DPYD: variants seen among roughly 807,000 people sequenced by gnomAD.
The protein encoded by DPYD is dihydropyrimidine dehydrogenase.
Under a neutral mutation model 116.2 loss-of-function variants are expected in DPYD, and 109 were observed. That is an observed-to-expected ratio of 0.94 (90% CI 0.80 to 1.10). DPYD has a LOEUF of 1.10. Ranked by LOEUF, DPYD falls within the 50% of genes least tolerant of loss-of-function variation. DPYD has a pLI of 0.00. For missense variants in DPYD, 1,302 were observed against 1,254.5 expected (o/e 1.04, Z -0.57); for synonymous variants, 440 against 432.0 (o/e 1.02, Z -0.23).
intron 14 of DPYD, among the ~76,000 whole-genome samples, chr1:97,391,113 A>C (rs1235178303): frequency 2.1e-5 from 3 of 143,208 alleles, no homozygotes. Flanking sequence ...TGATGCTCCC[A>C]GAGTCCACTC....
rs72977794 is a variant in DPYD at position 97,811,807 on chromosome 1, T to C, written c.233+16307A>G. Among the ~76,000 whole-genome samples, 1,080 of 152,250 alleles carry C rather than the reference T, an allele frequency of 7.1e-3. 8 individuals are homozygous for C. The highest frequency in any genetic ancestry group is 0.025 in the African/African-American group (1,031 of 41,552). On this transcript the variant is annotated intron_variant, in intron 3 of 22. Coordinates refer to ENST00000370192, the MANE Select transcript of DPYD (RefSeq NM_000110.4). Reference sequence around the variant, plus strand: ...GATAGTGCACTGTAACTCTTAGCTATAAATAGTTCTTATAAAGCCTAATAC... The same window carrying C: ...GATAGTGCACTGTAACTCTTAGCTACAAATAGTTCTTATAAAGCCTAATAC...
chr1:97,476,745 A>C (rs79935341), intron 13 of DPYD, among the ~76,000 whole-genome samples: 66 of 152,292 alleles, frequency 4.3e-4, no homozygotes, highest in South Asian at 1.2e-3. Context: ...TAAAAAAAAA[A>C]CAGCTTATAT....
At chr1:97,507,759 G>A (rs1390914968) in intron 13 of DPYD, among the ~76,000 whole-genome samples, 1 of 152,000 alleles carries the variant, frequency 6.6e-6, no homozygotes, top group African/African-American at 2.4e-5. Flanking sequence ...TGCAATTTGT[G>A]CAAACGCAGG....
intron 12 of DPYD, among the ~76,000 whole-genome samples, chr1:97,545,263 C>G (rs1036685851): frequency 5.9e-5 from 9 of 152,144 alleles, no homozygotes; most frequent in Admixed American, 2.0e-4. Flanking sequence ...TTCTGAGACT[C>G]TAGCCTTTCC....
chr1:97,732,854 G>T (rs1663708485), intron 4 of DPYD, among the ~76,000 whole-genome samples: 1 of 152,040 alleles, frequency 6.6e-6, no homozygotes, highest in South Asian at 2.1e-4. Flanking sequence ...ATTATAGTCT[G>T]AACATGGTGC....
intron 20 of DPYD, among the ~76,000 whole-genome samples, chr1:97,102,459 TTATCTATCTATC>T (rs1236741247): frequency 1.1e-4 from 14 of 125,100 alleles, no homozygotes; most frequent in African/African-American, 3.9e-4. Flanking sequence ...CTGAAATCTA[TTATCTATCTATC>T]TATCTATCTA....
At chr1:97,713,112 T>C (rs1662387605) in intron 5 of DPYD, among the ~76,000 whole-genome samples, 1 of 152,070 alleles carries the variant, frequency 6.6e-6, no homozygotes, top group South Asian at 2.1e-4. Context: ...GATAAATGGG[T>C]GGCTTAAATG....
chr1:97,212,759 T>C (rs1557942771), intron 19 of DPYD, among the ~76,000 whole-genome samples: 1 of 152,072 alleles, frequency 6.6e-6, no homozygotes, highest in Non-Finnish European at 1.5e-5. Context: ...ATACTAGCCA[T>C]TTTAGTGGGC....
At chr1:97,343,660 G>A (rs1028502818) in intron 16 of DPYD, among the ~76,000 whole-genome samples, 1 of 151,970 alleles carries the variant, frequency 6.6e-6, no homozygotes, top group Non-Finnish European at 1.5e-5. Flanking sequence ...CAGCTAGAGG[G>A]TAGAAAGGTT....
intron 10 of DPYD, among the ~76,000 whole-genome samples, chr1:97,581,787 G>T (rs1195478220): frequency 6.7e-6 from 1 of 149,680 alleles, no homozygotes. Context: ...GCATGGAAAA[G>T]GTGCTATATA....
intron 16 of DPYD, among the ~76,000 whole-genome samples, chr1:97,372,659 T>C (rs767342391): frequency 1.3e-5 from 2 of 152,158 alleles, no homozygotes; most frequent in Non-Finnish European, 2.9e-5. Context: ...GATAGCAATC[T>C]ATGTTCATTT....
intron 20 of DPYD, among the ~76,000 whole-genome samples, chr1:97,151,795 C>A (rs903861882): frequency 3.9e-5 from 6 of 152,070 alleles, no homozygotes; most frequent in Admixed American, 2.0e-4. Context: ...ATCTTCAAAT[C>A]CCTGTTCTTT....
chr1:97,862,474 A>C (rs1671166956), intron 2 of DPYD, among the ~76,000 whole-genome samples: 3 of 151,916 alleles, frequency 2.0e-5, no homozygotes, highest in Admixed American at 6.6e-5. Context: ...AGTATGACAA[A>C]AGATACCTCT....
intron 12 of DPYD, among the ~76,000 whole-genome samples, chr1:97,524,754 C>T (rs1266108065): frequency 6.6e-6 from 1 of 152,138 alleles, no homozygotes; most frequent in Non-Finnish European, 1.5e-5. Flanking sequence ...GGACACATTA[C>T]AGTTTATTCA....
intron 12 of DPYD, 111 bp from the exon 13 acceptor site, chr1:97,516,052 A>G: frequency 9.1e-7 from 1 of 1,100,822 alleles, no homozygotes; most frequent in Non-Finnish European, 1.3e-6. Context: ...AGATTACAAC[A>G]GTCTGTTTAC....
chr1:97,684,174 G>C (rs72977703), intron 7 of DPYD, among the ~76,000 whole-genome samples: 1 of 152,058 alleles, frequency 6.6e-6, no homozygotes, highest in Admixed American at 6.6e-5. Flanking sequence ...GGCATTTAGC[G>C]CTGTAAATTT....
At chr1:97,883,841 A>AG (rs386367779) in intron 1 of DPYD, 29 of 476,798 alleles carry the variant, frequency 6.1e-5, no homozygotes, top group African/African-American at 5.3e-4. Context: ...TCACAAAAAA[A>AG]AAAAGATACA....
At position 97,560,939 on chromosome 1, in the gene DPYD, T is replaced by C. The variant is rs1224796116; in HGVS notation, c.1340-11195A>G. Among the ~76,000 whole-genome samples, 4 of 151,992 alleles carry C rather than the reference T, an allele frequency of 2.6e-5. No homozygotes were observed. The East Asian group carries it at 7.7e-4, about 29-fold the overall frequency. ...AGAAGCGGGAACAGTGGCAAGGGTG[T>C]TAAGGATGAGATGCAGTTATAGCAC... is the stretch of plus-strand genomic sequence containing the variant. On this transcript the variant is annotated intron_variant, in intron 11 of 22. Coordinates refer to ENST00000370192, the MANE Select transcript of DPYD (RefSeq NM_000110.4).
chr1:97,486,013 T>C (rs1678613358), intron 13 of DPYD, among the ~76,000 whole-genome samples: 1 of 152,228 alleles, frequency 6.6e-6, no homozygotes, highest in Non-Finnish European at 1.5e-5. Flanking sequence ...ATGATAAAAC[T>C]ACTATGTTTA....
Sources: gnomAD v4.1 joint callset for allele counts (sites outside exome capture counted in the v4.1 genomes callset) on GRCh38, gnomAD v4.1.1 for gene constraint, MANE v1.5 for transcripts, NCBI Gene and HGNC (gene_info 2026-07-23, HGNC 2026-07-21) for gene names.